The following ADAMTSL1 variants were observed in gnomAD, a reference collection of about 807,000 sequenced individuals.
ADAMTSL1 encodes the protein ADAMTS like 1.
In ADAMTSL1, 126 loss-of-function variants were observed where a neutral mutation model predicts 201.8. That is an observed-to-expected ratio of 0.62 (90% CI 0.54 to 0.72). The LOEUF (loss-of-function observed/expected upper bound fraction) is 0.72. Among genes scored for constraint, ADAMTSL1 ranks in the 30% least tolerant of loss-of-function variants. The pLI is 0.00. For synonymous variants in ADAMTSL1, 1,121 were observed against 903.4 expected, an observed-to-expected ratio of 1.24 and a Z score of -4.32; for missense variants, 2,679 against 2,277.8, an observed-to-expected ratio of 1.18 and a Z score of -3.59.
At chr9:18,353,154 C>A (rs1431978697) in intron 2 of ADAMTSL1, among the ~76,000 whole-genome samples, 1 of 152,164 alleles carries the variant, frequency 6.6e-6, no homozygotes, top group Admixed American at 6.5e-5. Flanking sequence ...ACAAGGGAGG[C>A]CCTGAGGAAC....
intron 7 of ADAMTSL1, among the ~76,000 whole-genome samples, chr9:18,653,400 C>A (rs892611986): frequency 3.3e-5 from 5 of 152,202 alleles, no homozygotes; most frequent in Non-Finnish European, 7.3e-5. Flanking sequence ...GTTCTTTAGA[C>A]AACATTATAC....
At chr9:18,013,623 C>T (rs920583638) in intron 1 of ADAMTSL1, among the ~76,000 whole-genome samples, 32 of 151,926 alleles carry the variant, frequency 2.1e-4, no homozygotes, top group African/African-American at 7.2e-4. Flanking sequence ...GTTTCTGGTC[C>T]CAGAATAGTT....
intron 2 of ADAMTSL1, among the ~76,000 whole-genome samples, chr9:18,428,167 C>G (rs1819311235): frequency 6.6e-6 from 1 of 152,094 alleles, no homozygotes; most frequent in African/African-American, 2.4e-5. Context: ...TTTATAAAAT[C>G]TGTTGTGTTT....
At chr9:18,634,869 A>ATT (rs1170220765) in intron 5 of ADAMTSL1, among the ~76,000 whole-genome samples, 2 of 142,778 alleles carry the variant, frequency 1.4e-5, no homozygotes, top group Non-Finnish European at 3.0e-5. Context: ...ATATATATAT[A>ATT]TATATTTATA....
At chr9:18,007,711 G>A (rs993463954) in intron 1 of ADAMTSL1, among the ~76,000 whole-genome samples, 44 of 151,918 alleles carry the variant, frequency 2.9e-4, no homozygotes, top group African/African-American at 1.0e-3. Flanking sequence ...GAAGGGGGAA[G>A]CAGAGAAGAG....
chr9:18,606,835 A>T (rs910692444), intron 4 of ADAMTSL1, among the ~76,000 whole-genome samples: 3 of 152,164 alleles, frequency 2.0e-5, no homozygotes, highest in African/African-American at 7.2e-5. Flanking sequence ...CCGCTGCTGC[A>T]GTCTATAATT....
At chr9:17,987,505 G>T (rs1384944086) in intron 1 of ADAMTSL1, among the ~76,000 whole-genome samples, 1 of 151,880 alleles carries the variant, frequency 6.6e-6, no homozygotes, top group Non-Finnish European at 1.5e-5. Context: ...GAAGAGGGAA[G>T]TGTTTAAAAT....
At chr9:18,269,845 CTT>C (rs11376831) in intron 2 of ADAMTSL1, among the ~76,000 whole-genome samples, 53,226 of 145,338 alleles carry the variant, frequency 0.37, 9,686 homozygotes, top group South Asian at 0.45. Flanking sequence ...CCTCTTCATC[CTT>C]TTTTTTTTTT....
At chr9:18,524,613 C>A (rs1024494892) in intron 2 of ADAMTSL1, among the ~76,000 whole-genome samples, 3 of 152,060 alleles carry the variant, frequency 2.0e-5, no homozygotes, top group Non-Finnish European at 4.4e-5. Flanking sequence ...GAGATATGTT[C>A]CATTGATACC....
At chr9:18,206,594 T>G (rs1036702264) in intron 2 of ADAMTSL1, among the ~76,000 whole-genome samples, 15 of 152,294 alleles carry the variant, frequency 9.8e-5, no homozygotes, top group Admixed American at 3.3e-4. Context: ...AGCCCTACAT[T>G]AACCAGATCA....
chr9:17,978,622 T>G (rs918733973), intron 1 of ADAMTSL1, among the ~76,000 whole-genome samples: 1 of 152,186 alleles, frequency 6.6e-6, no homozygotes, highest in Non-Finnish European at 1.5e-5. Flanking sequence ...ATTAAACTTT[T>G]AAATATGATG....
chr9:18,493,065 C>G (rs1404119529), intron 1 of ADAMTSL1, among the ~76,000 whole-genome samples: 2 of 152,168 alleles, frequency 1.3e-5, no homozygotes, highest in Non-Finnish European at 2.9e-5. Flanking sequence ...CTGAATATCA[C>G]CTAGTCCCTA....
At chr9:18,458,510 G>T (rs886444734) in intron 2 of ADAMTSL1, among the ~76,000 whole-genome samples, 1 of 152,146 alleles carries the variant, frequency 6.6e-6, no homozygotes, top group Non-Finnish European at 1.5e-5. Context: ...TACCCAGTTT[G>T]CCCTAACCTT....
intron 23 of ADAMTSL1, among the ~76,000 whole-genome samples, chr9:18,877,095 T>C (rs1828208842): frequency 6.6e-6 from 1 of 152,208 alleles, no homozygotes; most frequent in Non-Finnish European, 1.5e-5. Flanking sequence ...AAGTTATGAT[T>C]GTTTTTTATT....
Position 18,770,208 on chromosome 9 carries a change from G to T in ADAMTSL1, c.2218-394G>T, listed in dbSNP as rs149129033. Among the ~76,000 whole-genome samples, 567 of 152,254 alleles carry T rather than the reference G, an allele frequency of 3.7e-3. 3 individuals carry two copies. The highest frequency in any genetic ancestry group is 0.013 in the African/African-American group (530 of 41,542). Reference sequence around the variant, plus strand: ...ATTCCTCCAGATTTATACTGATGGCGGGAGCTCTCTCCTGTTCATTCTGGA... The same window carrying T: ...ATTCCTCCAGATTTATACTGATGGCTGGAGCTCTCTCCTGTTCATTCTGGA... On this transcript the variant is annotated intron_variant, in intron 16 of 28. Transcript: ENST00000380548.
intron 2 of ADAMTSL1, among the ~76,000 whole-genome samples, chr9:18,441,611 T>C (rs1401419807): frequency 1.3e-5 from 2 of 152,128 alleles, no homozygotes; most frequent in East Asian, 1.9e-4. Flanking sequence ...TAAAGCCTCA[T>C]GTGTAATGTC....
intron 17 of ADAMTSL1, among the ~76,000 whole-genome samples, chr9:18,774,601 C>G (rs943230686): frequency 6.6e-6 from 1 of 151,868 alleles, no homozygotes; most frequent in African/African-American, 2.4e-5. Flanking sequence ...ATGTTTTTAC[C>G]AAATTCTGTA....
chr9:18,857,897 A>T (rs1286831051), intron 23 of ADAMTSL1, among the ~76,000 whole-genome samples: 2 of 152,164 alleles, frequency 1.3e-5, no homozygotes, highest in Non-Finnish European at 2.9e-5. Context: ...ATCATTCTTT[A>T]AGAACTTCAT....
At chr9:18,174,154 C>T (rs930022398) in intron 2 of ADAMTSL1, among the ~76,000 whole-genome samples, 1 of 152,110 alleles carries the variant, frequency 6.6e-6, no homozygotes, top group Non-Finnish European at 1.5e-5. Context: ...TTATTGCTTC[C>T]CTGTACTAAA....
Sources: gnomAD v4.1 joint callset for allele counts (sites outside exome capture counted in the v4.1 genomes callset) on GRCh38, gnomAD v4.1.1 for gene constraint, MANE v1.5 for transcripts, NCBI Gene and HGNC (gene_info 2026-07-23, HGNC 2026-07-21) for gene names.